The following CFAP97 variants were observed in gnomAD, a reference collection of about 807,000 sequenced individuals.
The protein encoded by CFAP97 is cilia and flagella associated protein 97.
A neutral mutation model predicts 43.1 loss-of-function variants in CFAP97; 36 were observed. That is an observed-to-expected ratio of 0.84 (90% confidence interval 0.64 to 1.10). CFAP97 has a LOEUF of 1.10. Ranked by LOEUF, CFAP97 falls within the 50% of genes least tolerant of loss-of-function variation. The pLI, the probability that CFAP97 is intolerant of heterozygous loss-of-function variation, is 0.00. For synonymous variants in CFAP97, 228 were observed against 225.7 expected (o/e 1.01, Z -0.09); for missense variants, 657 against 620.3 (o/e 1.06, Z -0.63).
intron 3 of CFAP97, among the ~76,000 whole-genome samples, chr4:185,174,388 C>A (rs1225054162): frequency 6.6e-6 from 1 of 152,122 alleles, no homozygotes; most frequent in Non-Finnish European, 1.5e-5. Context: ...CTGTTCCTTG[C>A]CACATGCAGG....
intron 3 of CFAP97, among the ~76,000 whole-genome samples, chr4:185,166,997 T>C (rs917491255): frequency 6.6e-6 from 1 of 152,208 alleles, no homozygotes; most frequent in African/African-American, 2.4e-5. Context: ...TGATTTTTTT[T>C]TTTAGCTCAT....
intron 2 of CFAP97, among the ~76,000 whole-genome samples, chr4:185,181,320 C>CTTTTTT (rs778362979): frequency 1.0e-5 from 1 of 99,182 alleles, no homozygotes; most frequent in African/African-American, 3.7e-5. Context: ...CATAATCATA[C>CTTTTTT]TTTTTTTTTT....
chr4:185,162,856 G>A lies in CFAP97; in HGVS notation c.1541C>T (p.Ser514Phe). 6.2e-7 allele frequency: 1 copy of A among 1,612,656 alleles called. No individual in the cohort carries two copies. Among genetic ancestry groups the A allele is most frequent in the Admixed American group, 1.7e-5 (1 of 59,800 alleles). ...CRSERSAVDP[S>F]SGHPRRRPKP... ...AGGTCTTCTTCGAGGGTGGCCACTGGAGGGGTCAACCGCTGATCGCTCACT... is the reference window on the plus strand; with the variant it reads ...AGGTCTTCTTCGAGGGTGGCCACTGAAGGGGTCAACCGCTGATCGCTCACT... Residue 514 changes from serine (S) to phenylalanine (F), a missense_variant, in exon 5 of 5, where the codon TCC becomes TTC. Ser to Phe is a radical substitution (Grantham distance 155, BLOSUM62 -2). Coordinates refer to ENST00000458385, the MANE Select transcript of CFAP97 (RefSeq NM_020827.3).
chr4:185,169,782 C>A, intron 3 of CFAP97: 2 of 985,436 alleles, frequency 2.0e-6, no homozygotes, highest in Non-Finnish European at 2.4e-6. Flanking sequence ...CCCACACAGG[C>A]AGAATCAAGA....
intron 1 of CFAP97, among the ~76,000 whole-genome samples, chr4:185,197,235 TGAA>T (rs1173752844): frequency 6.7e-6 from 1 of 150,168 alleles, no homozygotes; most frequent in Non-Finnish European, 1.5e-5. Context: ...ACTGAAGAAA[TGAA>T]GAGATCTTAA....
intron 1 of CFAP97, among the ~76,000 whole-genome samples, chr4:185,202,576 G>C (rs1736917432): frequency 6.7e-6 from 1 of 148,470 alleles, no homozygotes; most frequent in Non-Finnish European, 1.5e-5. Flanking sequence ...AAAAATCACC[G>C]GGTTTCAACC....
intron 3 of CFAP97, 105 bp from the exon 4 acceptor site, chr4:185,164,284 T>TA: frequency 8.6e-7 from 1 of 1,159,578 alleles, no homozygotes; most frequent in Non-Finnish European, 1.2e-6. Flanking sequence ...TTTTTTTTTT[T>TA]AAGAGACAAG....
chr4:185,163,380 C>T (rs986739939), intron 4 of CFAP97, among the ~76,000 whole-genome samples: 9 of 152,066 alleles, frequency 5.9e-5, no homozygotes, highest in Admixed American at 5.2e-4. Flanking sequence ...GAAGTTGTGG[C>T]ATCGGGCGGT....
chr4:185,200,290 G>A (rs1413514443), intron 1 of CFAP97, among the ~76,000 whole-genome samples: 1 of 152,210 alleles, frequency 6.6e-6, no homozygotes, highest in African/African-American at 2.4e-5. Context: ...GAGCCCAGAA[G>A]TTTTAGACCA....
chr4:185,179,148 A>G (rs1735680058), intron 2 of CFAP97, among the ~76,000 whole-genome samples: 1 of 152,170 alleles, frequency 6.6e-6, no homozygotes, highest in Non-Finnish European at 1.5e-5. Context: ...GCCATGGCTG[A>G]GAAACCAACA....
At chr4:185,193,279 G>GA (rs1304560134) in intron 1 of CFAP97, among the ~76,000 whole-genome samples, 4 of 152,224 alleles carry the variant, frequency 2.6e-5, no homozygotes, top group East Asian at 1.9e-4. Context: ...ACATAAAAAT[G>GA]AAAAAATAAT....
intron 2 of CFAP97, among the ~76,000 whole-genome samples, chr4:185,177,436 A>G (rs1256508770): frequency 6.6e-6 from 1 of 151,496 alleles, no homozygotes; most frequent in Non-Finnish European, 1.5e-5. Flanking sequence ...GGAATACACG[A>G]TATCAGATTA....
At chr4:185,185,636 T>TC (rs1379990987) in intron 2 of CFAP97, among the ~76,000 whole-genome samples, 15 of 137,066 alleles carry the variant, frequency 1.1e-4, no homozygotes, top group African/African-American at 4.2e-4. Flanking sequence ...TGCCAACCTT[T>TC]TTTTTTTTTT....
chr4:185,190,855 C>T lies in CFAP97; in HGVS notation c.342G>A (p.Val114=), dbSNP rs745377224. 3.2e-5 allele frequency: 51 copies of T among 1,611,154 alleles called. No homozygotes were observed. The highest frequency in any genetic ancestry group is 4.2e-5 in the Non-Finnish European group (50 of 1,178,486). ...CDVTTGLKIH[V]SIPNRIPKIV... ...TTTTGGGAATTCTATTTGGAATGGA[C>T]ACGTGTATTTTAAGTCCTGTTGTAA... is the stretch of plus-strand genomic sequence containing the variant. The change falls in exon 2 of 5, where the codon GTG becomes GTA. Residue 114 remains valine, a synonymous_variant. Transcript: ENST00000458385.
intron 3 of CFAP97, among the ~76,000 whole-genome samples, chr4:185,170,958 T>C (rs1477847437): frequency 1.8e-5 from 2 of 113,824 alleles, no homozygotes; most frequent in African/African-American, 6.9e-5. Flanking sequence ...TACTCCAGCC[T>C]GGGCGACAAA....
At chr4:185,202,664 T>A (rs1213005360) in intron 1 of CFAP97, among the ~76,000 whole-genome samples, 1 of 152,186 alleles carries the variant, frequency 6.6e-6, no homozygotes, top group African/African-American at 2.4e-5. Flanking sequence ...TTATCTGCAT[T>A]TCCATGATAA....
At position 185,176,285 on chromosome 4, in the gene CFAP97, G is replaced by A. The variant is rs149817619; in HGVS notation, c.1055-234C>T. Among the ~76,000 whole-genome samples, 583 of 151,974 alleles carry A rather than the reference G, an allele frequency of 3.8e-3. 2 individuals carry two copies. Among genetic ancestry groups the A allele is most frequent in the African/African-American group, 0.013 (549 of 41,474 alleles). ...CCACCACCATGCCTGGCTAATTTTT[G>A]TATTTTTAGTAGGGACAGGGTTTCA... On this transcript the variant is annotated intron_variant, in intron 2 of 4. Coordinates refer to ENST00000458385, the MANE Select transcript of CFAP97 (RefSeq NM_020827.3).
At position 185,194,725 on chromosome 4, in the gene CFAP97, T is replaced by C. The variant is rs1005000400; in HGVS notation, c.-16-3513A>G. Among the ~76,000 whole-genome samples the C allele has an allele frequency of 2.6e-5, 4 of 152,096 alleles. No individual in the cohort carries two copies. The East Asian group carries it at 7.7e-4, about 29-fold the overall frequency. On this transcript the variant is annotated intron_variant, in intron 1 of 4. Transcript: ENST00000458385. Reference sequence around the variant, plus strand: ...CCTTGATTTAGATGATGTATGAACATGAAAAATACAGAATACAAAACTTTT... The same window carrying C: ...CCTTGATTTAGATGATGTATGAACACGAAAAATACAGAATACAAAACTTTT...
intron 2 of CFAP97, among the ~76,000 whole-genome samples, chr4:185,181,544 C>T (rs557555678): frequency 1.2e-4 from 18 of 152,036 alleles, no homozygotes; most frequent in African/African-American, 2.9e-4. Flanking sequence ...AGGCTGGTCT[C>T]GAACACCCGA....
Sources: gnomAD v4.1 joint callset for allele counts (sites outside exome capture counted in the v4.1 genomes callset) on GRCh38, gnomAD v4.1.1 for gene constraint, MANE v1.5 for transcripts, NCBI Gene and HGNC (gene_info 2026-07-23, HGNC 2026-07-21) for gene names.